The following FOXN3 variants were observed in gnomAD, a reference collection of about 807,000 sequenced individuals.
FOXN3 encodes the protein forkhead box protein N3.
Under a neutral mutation model 38.4 loss-of-function variants are expected in FOXN3, and 7 were observed. The observed-to-expected ratio is 0.18, with a 90% confidence interval of 0.10 to 0.34. The LOEUF is 0.34. Among genes scored for constraint, FOXN3 ranks in the 10% least tolerant of loss-of-function variants. The probability of loss-of-function intolerance (pLI) is 1.00; values close to 1 mark genes in which losing one functional copy is unlikely to be tolerated. For missense variants in FOXN3, 456 were observed against 613.4 expected (o/e 0.74, Z 2.71); for synonymous variants, 230 against 242.2 (o/e 0.95, Z 0.47).
At chr14:89,166,624 T>G (rs1447663824) in intron 5 of FOXN3, among the ~76,000 whole-genome samples, 1 of 152,132 alleles carries the variant, frequency 6.6e-6, no homozygotes, top group Non-Finnish European at 1.5e-5. Flanking sequence ...AACCAATACA[T>G]CCACTGATAA....
chr14:89,469,979 C>A (rs1019505984), intron 1 of FOXN3, among the ~76,000 whole-genome samples: 6 of 152,176 alleles, frequency 3.9e-5, no homozygotes, highest in Non-Finnish European at 1.5e-5. Context: ...CAGGGCCTGC[C>A]CCTGTTTTGA....
intron 1 of FOXN3, among the ~76,000 whole-genome samples, chr14:89,528,285 G>A (rs1213428234): frequency 1.4e-5 from 2 of 144,446 alleles, no homozygotes; most frequent in East Asian, 4.2e-4. Flanking sequence ...AAAGGTAAAT[G>A]GAAAAACAAA....
intron 3 of FOXN3, among the ~76,000 whole-genome samples, chr14:89,331,183 C>A (rs1025820965): frequency 6.6e-6 from 1 of 152,216 alleles, no homozygotes; most frequent in African/African-American, 2.4e-5. Flanking sequence ...AAACTCTGTA[C>A]ACATTAAATA....
At chr14:89,359,301 A>G (rs1386081191) in intron 2 of FOXN3, among the ~76,000 whole-genome samples, 1 of 138,356 alleles carries the variant, frequency 7.2e-6, no homozygotes, top group East Asian at 2.1e-4. Context: ...ATCTCAAAAT[A>G]AAATTAAAAA....
At chr14:89,201,739 GTGAT>G (rs757162289) in intron 4 of FOXN3, among the ~76,000 whole-genome samples, 2 of 152,188 alleles carry the variant, frequency 1.3e-5, no homozygotes, top group Non-Finnish European at 2.9e-5. Context: ...ATCTTCCCCA[GTGAT>G]TGGCTTTCCC....
intron 4 of FOXN3, among the ~76,000 whole-genome samples, chr14:89,193,884 T>C (rs758076286): frequency 1.3e-5 from 2 of 152,200 alleles, no homozygotes. Context: ...ACGTTAGCCA[T>C]CTAGGGGATA....
intron 4 of FOXN3, among the ~76,000 whole-genome samples, chr14:89,276,725 G>A (rs1456100474): frequency 6.6e-6 from 1 of 152,218 alleles, no homozygotes; most frequent in African/African-American, 2.4e-5. Flanking sequence ...GGGGTGGGGA[G>A]GGTAGGCCCA....
chr14:89,238,117 G>A (rs1168961028), intron 4 of FOXN3, among the ~76,000 whole-genome samples: 1 of 152,144 alleles, frequency 6.6e-6, no homozygotes, highest in Non-Finnish European at 1.5e-5. Context: ...TTAGTCTTTA[G>A]TCTTTTCCAA....
At chr14:89,244,133 C>A (rs1471570971) in intron 4 of FOXN3, among the ~76,000 whole-genome samples, 2 of 152,200 alleles carry the variant, frequency 1.3e-5, no homozygotes, top group Non-Finnish European at 2.9e-5. Context: ...CCTCTTTACA[C>A]AGAACTGAGG....
intron 1 of FOXN3, among the ~76,000 whole-genome samples, chr14:89,525,786 G>A (rs867341306): frequency 4.6e-5 from 7 of 152,020 alleles, no homozygotes; most frequent in East Asian, 3.8e-4. Context: ...GTCCAGGATC[G>A]CATCAATACC....
intron 1 of FOXN3, among the ~76,000 whole-genome samples, chr14:89,431,066 G>A (rs192852144): frequency 6.9e-4 from 105 of 152,304 alleles, no homozygotes; most frequent in South Asian, 2.5e-3. Context: ...AGTCATTTCC[G>A]TTGTCTGAAA....
intron 1 of FOXN3, among the ~76,000 whole-genome samples, chr14:89,538,141 C>G (rs906630195): frequency 6.6e-6 from 1 of 152,202 alleles, no homozygotes; most frequent in East Asian, 1.9e-4. Context: ...GGGGGTTAAT[C>G]ACTTGGCTAG....
chr14:89,600,858 AAAGT>A (rs1896140375), intron 1 of FOXN3, among the ~76,000 whole-genome samples: 1 of 152,226 alleles, frequency 6.6e-6, no homozygotes, highest in Non-Finnish European at 1.5e-5. Flanking sequence ...ACTTGAAAAG[AAAGT>A]GAGTACAATT....
At chr14:89,378,401 G>A (rs1297422137) in intron 2 of FOXN3, among the ~76,000 whole-genome samples, 1 of 152,160 alleles carries the variant, frequency 6.6e-6, no homozygotes. Flanking sequence ...ACAGGTCTGG[G>A]GACAGCCCTT....
chr14:89,162,366 T>C lies in FOXN3; in HGVS notation c.*48A>G. 5.5e-6 allele frequency: 8 copies of C among 1,443,396 alleles called. No homozygotes were observed. Among genetic ancestry groups the C allele is most frequent in the Admixed American group, 2.4e-5 (1 of 40,856 alleles). 89.4% of individuals were successfully genotyped at this position (1,443,396 alleles called of 1,614,324 possible). ...ACAAATCATTAGAAATCTCCTGACA[T>C]GCTGAAACCAAATGGTCGTAAGTTC... On this transcript the variant is annotated 3_prime_UTR_variant, in exon 6 of 6. Coordinates refer to ENST00000557258, the MANE Select transcript of FOXN3 (RefSeq NM_005197.4). The surrounding 1 kb of genome is among the most constrained non-coding windows in gnomAD (Gnocchi z 7.2).
chr14:89,403,799 GC>G (rs2140089958), intron 2 of FOXN3, among the ~76,000 whole-genome samples: 1 of 152,334 alleles, frequency 6.6e-6, no homozygotes, highest in African/African-American at 2.4e-5. Flanking sequence ...TTTCCCAGCA[GC>G]CTCAGACAGA....
intron 4 of FOXN3, among the ~76,000 whole-genome samples, chr14:89,249,032 T>C (rs918868921): frequency 1.3e-5 from 2 of 152,248 alleles, no homozygotes; most frequent in African/African-American, 4.8e-5. Flanking sequence ...GCTACTTGAA[T>C]GCCAAACATC....
intron 1 of FOXN3, among the ~76,000 whole-genome samples, chr14:89,517,613 C>T (rs1894233372): frequency 6.6e-6 from 1 of 152,168 alleles, no homozygotes; most frequent in South Asian, 2.1e-4. Flanking sequence ...GCCCCATGAT[C>T]CAATCACCTC....
intron 1 of FOXN3, among the ~76,000 whole-genome samples, chr14:89,456,491 T>C (rs1371960230): frequency 6.6e-6 from 1 of 152,234 alleles, no homozygotes; most frequent in African/African-American, 2.4e-5. Flanking sequence ...CAGTGGCTCA[T>C]GCCTGTAATC....
Sources: allele counts gnomAD v4.1 joint callset (sites outside exome capture counted in the v4.1 genomes callset), GRCh38; gene constraint gnomAD v4.1.1; non-coding constraint Gnocchi (gnomAD v3.1); transcripts MANE v1.5; gene names NCBI Gene and HGNC (gene_info 2026-07-23, HGNC 2026-07-21).